FGF14: variants seen among roughly 807,000 people sequenced by gnomAD.
FGF14 encodes fibroblast growth factor 14.
FGF14 carries 5 observed loss-of-function variants against 25.5 expected under a neutral mutation model. The ratio of observed to expected loss-of-function variants is 0.20; its 90% CI spans 0.10 to 0.41. The LOEUF (loss-of-function observed/expected upper bound fraction) is 0.41, where lower values mean the gene tolerates loss of function less well. Ranked by LOEUF, FGF14 falls within the 10% of genes least tolerant of loss-of-function variation. FGF14 has a pLI of 1.00. For missense variants in FGF14, 222 were observed against 320.1 expected, an observed-to-expected ratio of 0.69 and a Z score of 2.34; for synonymous variants, 138 against 118.3, an observed-to-expected ratio of 1.17 and a Z score of -1.08.
At chr13:102,026,081 C>CT (rs201392849) in intron 1 of FGF14, among the ~76,000 whole-genome samples, 5 of 151,636 alleles carry the variant, frequency 3.3e-5, no homozygotes, top group East Asian at 1.9e-4. Flanking sequence ...TGTTGATGTG[C>CT]TTTTTTTTGG....
chr13:101,759,382 T>C (rs1428980863), intron 3 of FGF14, among the ~76,000 whole-genome samples: 2 of 152,120 alleles, frequency 1.3e-5, no homozygotes, highest in African/African-American at 2.4e-5. Context: ...CTAAAGATCA[T>C]AACGCATCAG....
chr13:101,724,987 T>C (rs1450064319), intron 4 of FGF14, among the ~76,000 whole-genome samples: 2 of 152,014 alleles, frequency 1.3e-5, no homozygotes. Flanking sequence ...TTCTATGAGA[T>C]ATGCAAAATA....
chr13:101,976,261 A>G (rs943413360), intron 1 of FGF14, among the ~76,000 whole-genome samples: 2 of 152,122 alleles, frequency 1.3e-5, no homozygotes, highest in African/African-American at 4.8e-5. Flanking sequence ...TTTTTTCTCT[A>G]TACCTTATCC....
intron 1 of FGF14, among the ~76,000 whole-genome samples, chr13:102,267,503 C>T (rs182969422): frequency 2.6e-5 from 4 of 152,156 alleles, no homozygotes; most frequent in South Asian, 4.1e-4. Context: ...CATTGAAGGA[C>T]ATATGAAATG....
intron 1 of FGF14, among the ~76,000 whole-genome samples, chr13:102,236,379 A>G (rs1453992599): frequency 6.6e-6 from 1 of 152,178 alleles, no homozygotes; most frequent in Non-Finnish European, 1.5e-5. Context: ...TGCAGAAGGA[A>G]AATCCTTCAA....
intron 3 of FGF14, among the ~76,000 whole-genome samples, chr13:101,802,749 G>A (rs1388555496): frequency 6.6e-6 from 1 of 152,184 alleles, no homozygotes; most frequent in Non-Finnish European, 1.5e-5. Flanking sequence ...TGCATGATAA[G>A]GCATTTAAAA....
chr13:102,317,240 AC>A (rs911678840), intron 1 of FGF14, among the ~76,000 whole-genome samples: 4 of 152,144 alleles, frequency 2.6e-5, no homozygotes, highest in South Asian at 2.1e-4. Context: ...GATTCTTAAG[AC>A]CTTTTCTAGA....
intron 1 of FGF14, among the ~76,000 whole-genome samples, chr13:102,270,118 AATG>A (rs1198138757): frequency 4.6e-5 from 7 of 152,184 alleles, no homozygotes; most frequent in Non-Finnish European, 5.9e-5. Flanking sequence ...TTTTAAGTAA[AATG>A]ATGTTATAAA....
At chr13:101,729,917 G>A (rs1431109900) in intron 3 of FGF14, among the ~76,000 whole-genome samples, 1 of 152,132 alleles carries the variant, frequency 6.6e-6, no homozygotes, top group African/African-American at 2.4e-5. Flanking sequence ...ATACTAGAGT[G>A]ATTATAGGGA....
In FGF14 at chr13:101,991,012, T is replaced by A. The variant is rs2038870900; in HGVS notation, c.209-115716A>T. On this transcript the variant is annotated intron_variant, in intron 1 of 4. Transcript: ENST00000376131. ...CTCCTATTTATACTAATGGAGCACA[T>A]TACTTTTTAACCTTGGAGCACAATG... Among the ~76,000 whole-genome samples the A allele has an allele frequency of 3.3e-5, 5 of 152,258 alleles. No homozygotes were observed. The South Asian group carries it at 1.0e-3, about 32-fold the overall frequency.
intron 1 of FGF14, among the ~76,000 whole-genome samples, chr13:102,366,960 C>G (rs1297431710): frequency 6.6e-6 from 1 of 152,094 alleles, no homozygotes; most frequent in Non-Finnish European, 1.5e-5. Context: ...TCTCATTTAG[C>G]TAACTTAAAA....
In FGF14 at chr13:102,196,956, G is replaced by GT. The variant is rs147361349; in HGVS notation, c.208+204514_208+204515insA. Among the ~76,000 whole-genome samples, 200 of 146,970 alleles carry GT rather than the reference G, an allele frequency of 1.4e-3. 1 individual carries two copies. The highest frequency in any genetic ancestry group is 1.5e-3 in the African/African-American group (58 of 39,998). ...ACCTGAGTCCAGATTTTGTTTTTTT[G>GT]GTTTTTTTTTTTCTGCTCTTACAAT... On this transcript the variant is annotated intron_variant, in intron 1 of 4. Coordinates refer to the FGF14 transcript ENST00000376131.
At chr13:102,310,101 A>G (rs764795016) in intron 1 of FGF14, among the ~76,000 whole-genome samples, 19 of 152,198 alleles carry the variant, frequency 1.2e-4, no homozygotes, top group Non-Finnish European at 2.2e-4. Context: ...GCTTCCTTCT[A>G]TAATAGCTCT....
intron 3 of FGF14, among the ~76,000 whole-genome samples, chr13:101,756,988 A>G (rs1418454923): frequency 6.6e-6 from 1 of 152,196 alleles, no homozygotes; most frequent in African/African-American, 2.4e-5. Context: ...ACAAAAAAAT[A>G]TTTATTGAGG....
At chr13:102,151,670 T>G (rs1434310499) in intron 1 of FGF14, among the ~76,000 whole-genome samples, 1 of 151,998 alleles carries the variant, frequency 6.6e-6, no homozygotes, top group Non-Finnish European at 1.5e-5. Flanking sequence ...GGCTAATTTT[T>G]TGTGTGTTTT....
chr13:102,216,087 C>CA (rs985067757), intron 1 of FGF14, among the ~76,000 whole-genome samples: 1 of 152,070 alleles, frequency 6.6e-6, no homozygotes, highest in South Asian at 2.1e-4. Flanking sequence ...GAAAGAAAAA[C>CA]AAAAAACCCT....
chr13:102,072,614 G>A (rs2140157121), intron 1 of FGF14, among the ~76,000 whole-genome samples: 1 of 152,278 alleles, frequency 6.6e-6, no homozygotes, highest in Non-Finnish European at 1.5e-5. Flanking sequence ...TGAATTTTAA[G>A]GAAAACTTTT....
chr13:102,014,034 A>G (rs934905721), intron 1 of FGF14, among the ~76,000 whole-genome samples: 2 of 152,154 alleles, frequency 1.3e-5, no homozygotes, highest in African/African-American at 2.4e-5. Context: ...TTAAAAATCT[A>G]TAAAAGTATC....
chr13:102,206,230 A>T (rs2049917077), intron 1 of FGF14, among the ~76,000 whole-genome samples: 1 of 151,956 alleles, frequency 6.6e-6, no homozygotes. Context: ...TCCTCGATGC[A>T]TAGGAATACA....
Sources: allele counts gnomAD v4.1 joint callset (sites outside exome capture counted in the v4.1 genomes callset), GRCh38; gene constraint gnomAD v4.1.1; transcripts MANE v1.5; gene names NCBI Gene and HGNC (gene_info 2026-07-23, HGNC 2026-07-21).